The following ARHGEF3 variants were observed in gnomAD, a reference collection of about 807,000 sequenced individuals.
The protein encoded by ARHGEF3 is Rho guanine nucleotide exchange factor 3.
In ARHGEF3, 28 loss-of-function variants were observed where a neutral mutation model predicts 63.2. The observed-to-expected ratio is 0.44, with a 90% CI of 0.33 to 0.61. The LOEUF (loss-of-function observed/expected upper bound fraction) is 0.61, where lower values mean the gene tolerates loss of function less well. Among genes scored for constraint, ARHGEF3 ranks in the 20% least tolerant of loss-of-function variants. The probability of loss-of-function intolerance (pLI) is 0.03; values close to 1 mark genes in which losing one functional copy is unlikely to be tolerated. For synonymous variants in ARHGEF3, 266 were observed against 254.2 expected, an observed-to-expected ratio of 1.05 and a Z score of -0.44; for missense variants, 533 against 659.3, an observed-to-expected ratio of 0.81 and a Z score of 2.10.
chr3:56,950,536 T>C (rs866254226), intron 3 of ARHGEF3, among the ~76,000 whole-genome samples: 4 of 152,136 alleles, frequency 2.6e-5, no homozygotes, highest in African/African-American at 4.8e-5. Context: ...AAAATGCTCA[T>C]CATCACTGGC....
At chr3:56,921,736 G>C (rs1696028116) in intron 3 of ARHGEF3, among the ~76,000 whole-genome samples, 1 of 152,218 alleles carries the variant, frequency 6.6e-6, no homozygotes, top group African/African-American at 2.4e-5. Context: ...AAATGTTGAT[G>C]CTCTTGGAGA....
Position 56,924,960 on chromosome 3 carries a change from C to A in ARHGEF3, c.129+33863G>T, listed in dbSNP as rs143305655. Among the ~76,000 whole-genome samples the A allele has an allele frequency of 5.3e-3, 801 of 152,342 alleles. 6 individuals are homozygous for A. The highest frequency in any genetic ancestry group is 0.019 in the African/African-American group (779 of 41,576). On this transcript the variant is annotated intron_variant, in intron 3 of 12. Coordinates refer to the ARHGEF3 transcript ENST00000338458. ...ACCCTTTGAGTCTCCTGCAGCTGAA[C>A]CCCCTACCTGGCTAGCTTTGGGGAA...
At chr3:57,055,798 C>G (rs534097164) in intron 1 of ARHGEF3, among the ~76,000 whole-genome samples, 3 of 152,182 alleles carry the variant, frequency 2.0e-5, no homozygotes, top group Non-Finnish European at 2.9e-5. Flanking sequence ...CAACAGAATT[C>G]CAATGCACAT....
chr3:56,904,137 C>T (rs2041611804), intron 3 of ARHGEF3, among the ~76,000 whole-genome samples: 1 of 152,174 alleles, frequency 6.6e-6, no homozygotes, highest in Non-Finnish European at 1.5e-5. Context: ...TTAAGCTATC[C>T]TCCCACCTCA....
chr3:56,988,571 A>C (rs1275492046), intron 2 of ARHGEF3, among the ~76,000 whole-genome samples: 2 of 152,218 alleles, frequency 1.3e-5, no homozygotes, highest in Admixed American at 1.3e-4. Flanking sequence ...AGGGAGAGGA[A>C]GAATCCACAG....
chr3:56,755,022 C>T lies in ARHGEF3; in HGVS notation c.334G>A (p.Val112Ile), dbSNP rs139520914. Reference sequence around the variant, plus strand: ...TCCTTGGATGTAAGCATCTGATTGACGCACACATCGAAGGTCTCACTCCAC... The same window carrying T: ...TCCTTGGATGTAAGCATCTGATTGATGCACACATCGAAGGTCTCACTCCAC... Reference protein sequence around the residue: ...KLWSETFDVCVNQMLTSKEIK... With the variant: ...KLWSETFDVCINQMLTSKEIK... Residue 112 changes from valine (V) to isoleucine (I), a missense_variant, in exon 3 of 10, where the codon GTC becomes ATC. Physicochemically the swap from Val to Ile is conservative, Grantham distance 29 (BLOSUM62 3). This residue lies in a region of ARHGEF3 where 160 missense variants were observed against 157.3 expected (regional missense o/e 1.02). Coordinates refer to ENST00000296315, the MANE Select transcript of ARHGEF3 (RefSeq NM_019555.3). 2.2e-5 allele frequency: 36 copies of T among 1,614,178 alleles called. No homozygotes were observed. In the African/African-American group the frequency reaches 3.3e-4, roughly 15 times the overall value.
chr3:56,768,027 C>T (rs909128772), intron 2 of ARHGEF3, among the ~76,000 whole-genome samples: 4 of 151,558 alleles, frequency 2.6e-5, no homozygotes, highest in Admixed American at 2.0e-4. Flanking sequence ...GGATTACATG[C>T]GTGAGCCACC....
chr3:56,996,803 G>A (rs540599178), intron 2 of ARHGEF3, among the ~76,000 whole-genome samples: 2 of 151,956 alleles, frequency 1.3e-5, no homozygotes, highest in South Asian at 4.2e-4. Flanking sequence ...GCAACCTGTG[G>A]CCCGCAGGCG....
intron 2 of ARHGEF3, among the ~76,000 whole-genome samples, chr3:56,965,350 T>G (rs1385053601): frequency 6.6e-6 from 1 of 152,100 alleles, no homozygotes; most frequent in Non-Finnish European, 1.5e-5. Flanking sequence ...CCTAGGAAAA[T>G]ATAACTTATT....
intron 4 of ARHGEF3, among the ~76,000 whole-genome samples, chr3:56,877,327 T>C (rs934338884): frequency 2.6e-5 from 4 of 151,942 alleles, no homozygotes; most frequent in African/African-American, 7.3e-5. Context: ...GACACGTTCA[T>C]AATATAGTAA....
At chr3:56,858,067 AC>A (rs944977793) in intron 4 of ARHGEF3, among the ~76,000 whole-genome samples, 14 of 152,008 alleles carry the variant, frequency 9.2e-5, no homozygotes, top group Admixed American at 2.0e-4. Context: ...ACATGGTGGA[AC>A]CCCATCTCTA....
intron 1 of ARHGEF3, among the ~76,000 whole-genome samples, chr3:57,050,837 A>G (rs1423237187): frequency 6.6e-6 from 1 of 152,162 alleles, no homozygotes; most frequent in Non-Finnish European, 1.5e-5. Flanking sequence ...ATCAATAACC[A>G]CCAAAGTTTT....
At chr3:57,032,778 G>A (rs1445102285) in intron 2 of ARHGEF3, among the ~76,000 whole-genome samples, 1 of 152,190 alleles carries the variant, frequency 6.6e-6, no homozygotes, top group African/African-American at 2.4e-5. Flanking sequence ...GAAGCCCCTA[G>A]GGTTAGAAGG....
intron 2 of ARHGEF3, among the ~76,000 whole-genome samples, chr3:57,014,014 C>G (rs1017042607): frequency 6.6e-6 from 1 of 152,184 alleles, no homozygotes; most frequent in Non-Finnish European, 1.5e-5. Context: ...TGGATCTGCA[C>G]TGCCTTTATG....
intron 2 of ARHGEF3, among the ~76,000 whole-genome samples, chr3:56,977,066 G>T (rs973298473): frequency 1.3e-5 from 2 of 152,044 alleles, no homozygotes; most frequent in Non-Finnish European, 2.9e-5. Flanking sequence ...GTGGAATAAG[G>T]GCTGTAACAG....
intron 2 of ARHGEF3, among the ~76,000 whole-genome samples, chr3:56,999,508 AT>A (rs1316277626): frequency 6.6e-6 from 1 of 152,192 alleles, no homozygotes; most frequent in East Asian, 1.9e-4. Context: ...ATAAAACTTT[AT>A]TTTTTAATAT....
At chr3:56,842,938 C>T (rs1200828060) in intron 4 of ARHGEF3, among the ~76,000 whole-genome samples, 1 of 152,150 alleles carries the variant, frequency 6.6e-6, no homozygotes, top group African/African-American at 2.4e-5. Context: ...GCTAGTCATG[C>T]CACCAGTTGG....
intron 4 of ARHGEF3, among the ~76,000 whole-genome samples, chr3:56,865,486 A>C (rs947306558): frequency 6.6e-6 from 1 of 152,232 alleles, no homozygotes; most frequent in Non-Finnish European, 1.5e-5. Context: ...TTTAAAGCCA[A>C]TGTTTTTCAG....
At chr3:56,893,677 G>GC (rs1446691418) in intron 3 of ARHGEF3, among the ~76,000 whole-genome samples, 1 of 151,914 alleles carries the variant, frequency 6.6e-6, no homozygotes, top group Non-Finnish European at 1.5e-5. Context: ...ATGGTGGTGT[G>GC]CCCCTGTAGA....
Sources: gnomAD v4.1 joint callset for allele counts (sites outside exome capture counted in the v4.1 genomes callset) on GRCh38, gnomAD v4.1.1 for gene constraint, gnomAD v4.1.1 regional missense constraint, MANE v1.5 for transcripts, NCBI Gene and HGNC (gene_info 2026-07-23, HGNC 2026-07-21) for gene names.